NECTIN2: variants seen among roughly 807,000 people sequenced by gnomAD.
NECTIN2 encodes nectin cell adhesion molecule 2, also known as nectin-2.
Under a neutral mutation model 56.9 loss-of-function variants are expected in NECTIN2, and 23 were observed. The observed-to-expected ratio is 0.40, with a 90% confidence interval of 0.29 to 0.57. NECTIN2 has a LOEUF of 0.57. Ranked by LOEUF, NECTIN2 falls within the 20% of genes least tolerant of loss-of-function variation. NECTIN2 has a pLI of 0.38. For synonymous variants in NECTIN2, 302 were observed against 313.8 expected (o/e 0.96, Z 0.40); for missense variants, 587 against 718.3 (o/e 0.82, Z 2.09).
chr19:44,884,490 T>C (rs1389591024), intron 6 of NECTIN2, among the ~76,000 whole-genome samples: 1 of 152,180 alleles, frequency 6.6e-6, no homozygotes, highest in Non-Finnish European at 1.5e-5. Flanking sequence ...TCTAAGTTTT[T>C]CTGATGCACA....
At chr19:44,864,032 T>G (rs942195422) in intron 1 of NECTIN2, among the ~76,000 whole-genome samples, 10 of 146,426 alleles carry the variant, frequency 6.8e-5, no homozygotes, top group Non-Finnish European at 1.0e-4. Context: ...CAAAAAAAAA[T>G]CTTATGAAAA....
At chr19:44,863,354 A>ACAT (rs1429326099) in intron 1 of NECTIN2, among the ~76,000 whole-genome samples, 9 of 151,986 alleles carry the variant, frequency 5.9e-5, no homozygotes, top group African/African-American at 2.2e-4. Context: ...CTGCAGTCCC[A>ACAT]GCCACTCAAG....
intron 1 of NECTIN2, among the ~76,000 whole-genome samples, chr19:44,861,433 T>A (rs1969030594): frequency 6.6e-6 from 1 of 152,096 alleles, no homozygotes; most frequent in Non-Finnish European, 1.5e-5. Flanking sequence ...ATAAAGAAAA[T>A]GTGGTCTATA....
chr19:44,884,540 T>C (rs1436830227), intron 6 of NECTIN2, among the ~76,000 whole-genome samples: 1 of 152,222 alleles, frequency 6.6e-6, no homozygotes, highest in African/African-American at 2.4e-5. Flanking sequence ...ATCTAGTTAG[T>C]TCAAACCAAT....
Position 44,846,474 on chromosome 19 carries a change from A to C in NECTIN2, c.-52A>C, listed in dbSNP as rs893711346. ...TAAACCGCCCAGCCGATCGGCCCCC[A>C]CAGAGTGGCCCGCGGGCCTCCGGCC... On this transcript the variant is annotated 5_prime_UTR_variant, in exon 1 of 9. Transcript: ENST00000252483. The C allele has an allele frequency of 1.4e-6, 2 of 1,417,398 alleles. No individual in the cohort carries two copies. Among genetic ancestry groups the C allele is most frequent in the African/African-American group, 3.0e-5 (2 of 65,682 alleles). 87.8% of individuals were successfully genotyped at this position (1,417,398 alleles called of 1,614,324 possible).
At chr19:44,887,120 C>T (rs750886558) in intron 8 of NECTIN2, among the ~76,000 whole-genome samples, 3 of 151,980 alleles carry the variant, frequency 2.0e-5, no homozygotes, top group Non-Finnish European at 4.4e-5. Context: ...GAGGCTGAGA[C>T]GGGCAGATCA....
At chr19:44,863,258 T>A (rs2122657544) in intron 1 of NECTIN2, among the ~76,000 whole-genome samples, 1 of 151,934 alleles carries the variant, frequency 6.6e-6, no homozygotes, top group Middle Eastern at 3.4e-3. Flanking sequence ...TCACTTTGAG[T>A]TCAGGAGTTT....
chr19:44,876,679 C>T (rs1389637606), intron 5 of NECTIN2, among the ~76,000 whole-genome samples: 1 of 152,158 alleles, frequency 6.6e-6, no homozygotes, highest in South Asian at 2.1e-4. Context: ...ATGGAGTCCA[C>T]AGCAGCACGA....
intron 1 of NECTIN2, among the ~76,000 whole-genome samples, chr19:44,847,888 GTCCT>G (rs1968855427): frequency 6.6e-6 from 1 of 152,056 alleles, no homozygotes; most frequent in Non-Finnish European, 1.5e-5. Context: ...ACCCCCTGGC[GTCCT>G]TCCATCCACC....
chr19:44,882,114 A>G, intron 5 of NECTIN2, 97 bp from the exon 6 acceptor site: 2 of 1,135,942 alleles, frequency 1.8e-6, no homozygotes, highest in South Asian at 2.9e-5. Flanking sequence ...GAGAGGACAT[A>G]GACAGGCAGG....
At chr19:44,863,581 T>G (rs1029035484) in intron 1 of NECTIN2, among the ~76,000 whole-genome samples, 2 of 151,854 alleles carry the variant, frequency 1.3e-5, no homozygotes, top group African/African-American at 4.8e-5. Context: ...AAATTTTTAT[T>G]TTAATAAAAA....
At position 44,865,516 on chromosome 19, in the gene NECTIN2, A is replaced by G. The variant is rs1296561237; in HGVS notation, c.334A>G (p.Thr112Ala). 1.9e-6 allele frequency: 3 copies of G among 1,595,204 alleles called. No homozygotes were observed. The highest frequency in any genetic ancestry group is 1.1e-5 in the South Asian group (1 of 88,926). Residue 112 changes from threonine (T) to alanine (A), a missense_variant, in exon 2 of 9, where the codon ACT becomes GCT. By Grantham distance (58) the Thr-to-Ala change is moderately conservative (BLOSUM62 0). Transcript: ENST00000252483. The surrounding 1 kb of genome is among the most constrained non-coding windows in gnomAD (Gnocchi z 5.2). Reference protein sequence around the residue: ...RLSFVSAKQSTGQDTEAELQD... With the variant: ...RLSFVSAKQSAGQDTEAELQD... ...GTCCTTCGTCTCTGCCAAGCAGAGC[A>G]CTGGGCAAGACACAGAGGCAGAGCT...
chr19:44,871,385 G>A (rs1158809978), intron 2 of NECTIN2, among the ~76,000 whole-genome samples: 7 of 152,022 alleles, frequency 4.6e-5, no homozygotes, highest in East Asian at 1.9e-4. Flanking sequence ...AAAATTAGCC[G>A]GGCATGGTGG....
rs1969382692 is a variant in NECTIN2, at chr19:44,888,223, G to T, written c.1461G>T (p.Val487=). 6.2e-7 allele frequency: 1 copy of T among 1,614,032 alleles called. No homozygotes were observed. The highest frequency in any genetic ancestry group is 8.5e-7 in the Non-Finnish European group (1 of 1,180,026). Residue 487 remains valine, a synonymous_variant, in exon 9 of 9, where the codon GTG becomes GTT. Transcript: ENST00000252483. ...CGGTGCCTCCAGGGCCACCTGCTGT[G>T]GAAGACGTTTCCCTGGATCTAGAGG... ...PIPVPPGPPA[V]EDVSLDLEDE...
Position 44,873,983 on chromosome 19 carries a change from G to C in NECTIN2, c.843G>C (p.Leu281=), listed in dbSNP as rs1256202810. The change falls in exon 4 of 9, where the codon CTG becomes CTC. Residue 281 remains leucine, a synonymous_variant. Transcript: ENST00000252483. ...NWYLGRTDAT[L]SCDVRSNPEP... is the part of the protein sequence containing the mutation. ...ACCTCGGCCGTACTGATGCCACCCTGAGCTGTGACGTCCGCAGCAACCCAG... is the reference window on the plus strand; with the variant it reads ...ACCTCGGCCGTACTGATGCCACCCTCAGCTGTGACGTCCGCAGCAACCCAG... 6.2e-7 allele frequency: 1 copy of C among 1,614,046 alleles called. No homozygotes were observed. The highest frequency in any genetic ancestry group is 8.5e-7 in the Non-Finnish European group (1 of 1,180,018).
chr19:44,865,608 T>A lies in NECTIN2; in HGVS notation c.426T>A (p.Phe142Leu). Reference sequence around the variant, plus strand: ...ACGAGGGCAACTACACTTGCGAGTTTGCCACCTTCCCCAAGGGGTCCGTCC... The same window carrying A: ...ACGAGGGCAACTACACTTGCGAGTTAGCCACCTTCCCCAAGGGGTCCGTCC... ...VEDEGNYTCE[F>L]ATFPKGSVRG... The change falls in exon 2 of 9, where the codon TTT becomes TTA. Residue 142 changes from phenylalanine to leucine, a missense_variant. Physicochemically the swap from Phe to Leu is conservative, Grantham distance 22. Coordinates refer to ENST00000252483, the MANE Select transcript of NECTIN2 (RefSeq NM_001042724.2). This position sits in a 1 kb window ranked among gnomAD's most constrained non-coding sequence, Gnocchi z 5.2. 6.5e-7 allele frequency: 1 copy of A among 1,540,980 alleles called. No individual in the cohort carries two copies. Among genetic ancestry groups the A allele is most frequent in the Non-Finnish European group, 8.7e-7 (1 of 1,146,988 alleles).
In NECTIN2 at chr19:44,846,600, G is replaced by C; in HGVS notation, c.75G>C (p.Leu25=). The C allele has an allele frequency of 1.3e-6, 2 of 1,525,216 alleles. No homozygotes were observed. The highest frequency in any genetic ancestry group is 1.8e-6 in the Non-Finnish European group (2 of 1,142,766). 94.5% of individuals were successfully genotyped at this position (1,525,216 alleles called of 1,614,324 possible). Residue 25 remains leucine (L), a synonymous_variant, in exon 1 of 9, where the codon CTG becomes CTC. Coordinates refer to ENST00000252483, the MANE Select transcript of NECTIN2 (RefSeq NM_001042724.2). Reference sequence around the variant, plus strand: ...TGCTGTGGCCGCTGCTGCTGCTGCTGCTCCTGGAAACCGGTGAGACGAGCG... The same window carrying C: ...TGCTGTGGCCGCTGCTGCTGCTGCTCCTCCTGGAAACCGGTGAGACGAGCG... The part of the protein sequence containing the change: ...TPLLWPLLLL[L]LLETGAQDVR...
chr19:44,853,634 G>A (rs1210665207), intron 1 of NECTIN2, among the ~76,000 whole-genome samples: 2 of 151,580 alleles, frequency 1.3e-5, no homozygotes, highest in African/African-American at 2.4e-5. Context: ...GATTACGGGG[G>A]CCCGCCACCA....
chr19:44,885,760 C>G (rs1969353866), intron 6 of NECTIN2, among the ~76,000 whole-genome samples, 177 bp from the exon 7 acceptor site: 2 of 152,184 alleles, frequency 1.3e-5, no homozygotes, highest in African/African-American at 4.8e-5. Flanking sequence ...CTGGGGAAAC[C>G]TGAAGGCTTC....
Sources: gnomAD v4.1 joint callset for allele counts (sites outside exome capture counted in the v4.1 genomes callset) on GRCh38, gnomAD v4.1.1 for gene constraint, Gnocchi (gnomAD v3.1) non-coding constraint, MANE v1.5 for transcripts, NCBI Gene and HGNC (gene_info 2026-07-23, HGNC 2026-07-21) for gene names.